The following ROBO2 variants were observed in gnomAD, a reference collection of about 807,000 sequenced individuals.
The protein encoded by ROBO2 is roundabout homolog 2.
In ROBO2, 53 loss-of-function variants were observed where a neutral mutation model predicts 160.8. The observed-to-expected ratio is 0.33, with a 90% CI of 0.26 to 0.41. The LOEUF (loss-of-function observed/expected upper bound fraction) is 0.41, where lower values mean the gene tolerates loss of function less well. ROBO2 is among the 10% of genes least tolerant of loss of function. ROBO2 has a pLI of 1.00. For missense variants in ROBO2, 1,577 were observed against 1,722.4 expected (o/e 0.92, Z 1.49); for synonymous variants, 664 against 611.7 (o/e 1.09, Z -1.26).
At chr3:77,473,722 G>A (rs1450609839) in intron 2 of ROBO2, among the ~76,000 whole-genome samples, 1 of 151,942 alleles carries the variant, frequency 6.6e-6, no homozygotes, top group South Asian at 2.1e-4. Flanking sequence ...TCCCAAAGTG[G>A]TGGGATTACA....
intron 2 of ROBO2, among the ~76,000 whole-genome samples, chr3:77,238,031 A>G (rs1272758541): frequency 6.6e-6 from 1 of 152,134 alleles, no homozygotes; most frequent in African/African-American, 2.4e-5. Context: ...CCATGTACAC[A>G]TCTTCTTTGA....
chr3:76,646,447 G>T (rs2090973130), intron 2 of ROBO2, among the ~76,000 whole-genome samples: 1 of 152,166 alleles, frequency 6.6e-6, no homozygotes, highest in South Asian at 2.1e-4. Context: ...ATCCCAACAA[G>T]AATCTCAACA....
At chr3:76,681,800 A>T (rs1321048713) in intron 2 of ROBO2, among the ~76,000 whole-genome samples, 1 of 151,970 alleles carries the variant, frequency 6.6e-6, no homozygotes, top group Non-Finnish European at 1.5e-5. Context: ...CATTACTTTC[A>T]ATGGCAAAAA....
intron 6 of ROBO2, among the ~76,000 whole-genome samples, chr3:77,533,181 G>A (rs972660530): frequency 6.6e-6 from 1 of 152,088 alleles, no homozygotes; most frequent in African/African-American, 2.4e-5. Flanking sequence ...GTTCTTCTCA[G>A]TATTGTACTA....
chr3:76,629,031 G>A lies in ROBO2; in HGVS notation c.110-468983G>A, dbSNP rs538488038. Among the ~76,000 whole-genome samples the A allele has an allele frequency of 1.9e-3, 285 of 152,194 alleles. 3 individuals carry two copies. The highest frequency in any genetic ancestry group is 6.5e-3 in the African/African-American group (269 of 41,522). On this transcript the variant is annotated intron_variant, in intron 2 of 26. Coordinates refer to the ROBO2 transcript ENST00000487694. Reference sequence around the variant, plus strand: ...TAGAACTGGTGTTGTTGCAATCTTGGCAATTGCACTGACTGTGCCATCTCT... The same window carrying A: ...TAGAACTGGTGTTGTTGCAATCTTGACAATTGCACTGACTGTGCCATCTCT...
At chr3:76,527,304 AT>A (rs952174492) in intron 2 of ROBO2, among the ~76,000 whole-genome samples, 1 of 152,080 alleles carries the variant, frequency 6.6e-6, no homozygotes, top group African/African-American at 2.4e-5. Flanking sequence ...TCTATCACTA[AT>A]TTTTTTAAAA....
At chr3:77,311,307 G>T (rs956594926) in intron 2 of ROBO2, among the ~76,000 whole-genome samples, 2 of 152,058 alleles carry the variant, frequency 1.3e-5, no homozygotes, top group African/African-American at 4.8e-5. Flanking sequence ...GAAATATCCC[G>T]GTGCTTTCGG....
intron 2 of ROBO2, among the ~76,000 whole-genome samples, chr3:77,319,574 A>G (rs937959890): frequency 4.6e-5 from 7 of 152,196 alleles, no homozygotes; most frequent in Admixed American, 3.3e-4. Context: ...TGAGTGTGCT[A>G]TGAGTAAGAC....
intron 5 of ROBO2, among the ~76,000 whole-genome samples, chr3:77,508,801 C>A (rs767361954): frequency 6.6e-6 from 1 of 152,066 alleles, no homozygotes; most frequent in East Asian, 1.9e-4. Flanking sequence ...TAATTTTTAT[C>A]TTAAAATTTT....
At chr3:76,464,123 G>C (rs1282552222) in intron 2 of ROBO2, among the ~76,000 whole-genome samples, 2 of 152,098 alleles carry the variant, frequency 1.3e-5, no homozygotes, top group Admixed American at 6.6e-5. Flanking sequence ...TCCTAATCTA[G>C]TTATGAAGTA....
At chr3:77,122,977 A>C (rs560880275) in intron 2 of ROBO2, among the ~76,000 whole-genome samples, 92 of 152,238 alleles carry the variant, frequency 6.0e-4, no homozygotes, top group Non-Finnish European at 3.7e-4. Flanking sequence ...TTCAGGCTGC[A>C]AAGAACTGTT....
intron 24 of ROBO2, among the ~76,000 whole-genome samples, chr3:77,641,593 T>A (rs1325422018): frequency 6.6e-6 from 1 of 152,320 alleles, no homozygotes; most frequent in Non-Finnish European, 1.5e-5. Context: ...AATAAATGTA[T>A]ATTTTATATG....
At chr3:76,366,031 C>A (rs2075795313) in intron 2 of ROBO2, among the ~76,000 whole-genome samples, 2 of 151,970 alleles carry the variant, frequency 1.3e-5, no homozygotes, top group South Asian at 4.1e-4. Flanking sequence ...GTAGCTGGGT[C>A]TCATGGATGT....
At chr3:77,352,742 T>A (rs1201019381) in intron 2 of ROBO2, among the ~76,000 whole-genome samples, 1 of 152,192 alleles carries the variant, frequency 6.6e-6, no homozygotes, top group Non-Finnish European at 1.5e-5. Context: ...AGTCATCAAC[T>A]GAAAAGTCAC....
intron 23 of ROBO2, among the ~76,000 whole-genome samples, chr3:77,627,673 G>A (rs1395687499): frequency 1.3e-5 from 2 of 152,154 alleles, no homozygotes; most frequent in Non-Finnish European, 2.9e-5. Context: ...TCTACGTGTA[G>A]GCAAAGGTCA....
intron 2 of ROBO2, among the ~76,000 whole-genome samples, chr3:75,972,917 T>C (rs1370948629): frequency 6.6e-6 from 1 of 151,652 alleles, no homozygotes; most frequent in Non-Finnish European, 1.5e-5. Context: ...CCCTATCTAT[T>C]AAAGTTTAGT....
intron 23 of ROBO2, chr3:77,628,974 T>C (rs1583387634): frequency 6.6e-6 from 1 of 152,226 alleles, no homozygotes; most frequent in Non-Finnish European, 1.5e-5. Context: ...TATTTACCAA[T>C]ACTCACTTGA....
At chr3:76,885,107 AG>A (rs1380003401) in intron 2 of ROBO2, among the ~76,000 whole-genome samples, 5 of 152,164 alleles carry the variant, frequency 3.3e-5, no homozygotes, top group Non-Finnish European at 7.4e-5. Context: ...TTGAGCCAGG[AG>A]AAAAAAACTG....
intron 2 of ROBO2, among the ~76,000 whole-genome samples, chr3:76,765,093 A>C (rs1167482648): frequency 6.6e-6 from 1 of 151,496 alleles, no homozygotes; most frequent in Admixed American, 6.6e-5. Context: ...TCTAATGTCT[A>C]TTGTTCCACT....
Sources: allele counts gnomAD v4.1 joint callset (sites outside exome capture counted in the v4.1 genomes callset), GRCh38; gene constraint gnomAD v4.1.1; transcripts MANE v1.5; gene names NCBI Gene and HGNC (gene_info 2026-07-23, HGNC 2026-07-21).